EPM2A: variants seen among roughly 807,000 people sequenced by gnomAD.
EPM2A encodes the protein laforin.
Under a neutral mutation model 26.5 loss-of-function variants are expected in EPM2A, and 21 were observed. The observed-to-expected ratio is 0.79, with a 90% CI of 0.56 to 1.14. EPM2A has a LOEUF of 1.14. Among genes scored for constraint, EPM2A ranks in the 50% most tolerant of loss-of-function variants. EPM2A has a pLI of 0.00. For synonymous variants in EPM2A, 217 were observed against 177.6 expected (o/e 1.22, Z -1.76); for missense variants, 458 against 440.8 (o/e 1.04, Z -0.35).
intron 2 of EPM2A, among the ~76,000 whole-genome samples, chr6:145,587,845 A>G (rs1781218559): frequency 6.6e-6 from 1 of 152,208 alleles, no homozygotes; most frequent in Non-Finnish European, 1.5e-5. Context: ...CTTGAAAGGC[A>G]TGCCATTTTT....
chr6:145,501,092 TGGAGA>T (rs752920319), downstream of EPM2A, among the ~76,000 whole-genome samples: 19 of 152,098 alleles, frequency 1.2e-4, no homozygotes, highest in African/African-American at 4.6e-4. Flanking sequence ...CCAGACACTG[TGGAGA>T]GGAGAGGAGA....
intron 4 of EPM2A, among the ~76,000 whole-genome samples, chr6:145,493,932 G>T (rs1424220337): frequency 6.6e-6 from 1 of 152,152 alleles, no homozygotes; most frequent in Non-Finnish European, 1.5e-5. Flanking sequence ...CAAGAATATT[G>T]TCCTGAGGTT....
At chr6:145,597,873 C>T (rs191598159) in intron 2 of EPM2A, among the ~76,000 whole-genome samples, 1 of 152,316 alleles carries the variant, frequency 6.6e-6, no homozygotes, top group Non-Finnish European at 1.5e-5. Flanking sequence ...TTGCCTCCAA[C>T]TCCAGGCATG....
intron 2 of EPM2A, among the ~76,000 whole-genome samples, chr6:145,587,400 G>A (rs1781211534): frequency 6.6e-6 from 1 of 152,192 alleles, no homozygotes; most frequent in Non-Finnish European, 1.5e-5. Context: ...TGCAGGAAGA[G>A]GAAGAGTGAT....
At chr6:145,698,795 A>G (rs1228667887) in intron 1 of EPM2A, among the ~76,000 whole-genome samples, 1 of 152,156 alleles carries the variant, frequency 6.6e-6, no homozygotes. Flanking sequence ...AGGTAAAACA[A>G]GATCACAGAG....
At chr6:145,390,417 C>G (rs1321389241) in intron 4 of EPM2A, among the ~76,000 whole-genome samples, 4 of 151,920 alleles carry the variant, frequency 2.6e-5, no homozygotes, top group African/African-American at 9.7e-5. Flanking sequence ...GTAAGGTACC[C>G]TTCATGGCAT....
intron 2 of EPM2A, chr6:145,639,374 A>G (rs1776918468): frequency 6.6e-6 from 1 of 152,230 alleles, no homozygotes; most frequent in Non-Finnish European, 1.5e-5. Flanking sequence ...AGGTACTTTT[A>G]TAAAAACATC....
At chr6:145,434,837 G>A (rs1778968143) in intron 4 of EPM2A, among the ~76,000 whole-genome samples, 3 of 152,288 alleles carry the variant, frequency 2.0e-5, no homozygotes, top group South Asian at 4.1e-4. Context: ...TAAATCTCAT[G>A]TTGAAATGTA....
chr6:145,501,689 T>C, exon 4 of EPM2A: 1 of 428,256 alleles, frequency 2.3e-6, no homozygotes. Flanking sequence ...GTCCCACTAA[T>C]TAGTAACACA....
At chr6:145,491,226 G>C (rs1779750294) in intron 4 of EPM2A, 4 of 400,512 alleles carry the variant, frequency 1.0e-5, no homozygotes, top group Admixed American at 3.4e-5. Context: ...GTAGGAACTG[G>C]TGTGCAGGGG....
intron 2 of EPM2A, among the ~76,000 whole-genome samples, chr6:145,645,596 T>C (rs2128572730): frequency 6.6e-6 from 1 of 151,930 alleles, no homozygotes; most frequent in East Asian, 1.9e-4. Context: ...TAAGCCACCA[T>C]CCTGGCAAAC....
At chr6:145,496,476 A>T (rs1302059566) in intron 4 of EPM2A, among the ~76,000 whole-genome samples, 1 of 152,138 alleles carries the variant, frequency 6.6e-6, no homozygotes. Context: ...TCAGTTGTAG[A>T]TTAAGTCTCT....
chr6:145,441,388 A>T (rs1469209734), intron 4 of EPM2A, among the ~76,000 whole-genome samples: 1 of 152,196 alleles, frequency 6.6e-6, no homozygotes, highest in Non-Finnish European at 1.5e-5. Flanking sequence ...GACTGCTGAG[A>T]AGACCTCTAA....
At chr6:145,628,156 G>A (rs1157225575) in intron 3 of EPM2A, 2 of 196,722 alleles carry the variant, frequency 1.0e-5, no homozygotes, top group African/African-American at 4.7e-5. Context: ...GCCCATAATA[G>A]TTAAAGGAAT....
At chr6:145,396,303 C>T (rs1396469073) in intron 4 of EPM2A, among the ~76,000 whole-genome samples, 3 of 152,174 alleles carry the variant, frequency 2.0e-5, no homozygotes, top group Non-Finnish European at 4.4e-5. Flanking sequence ...CCCTCATTCC[C>T]TTTCCCATCT....
intron 2 of EPM2A, among the ~76,000 whole-genome samples, chr6:145,517,462 C>T (rs994464985): frequency 1.5e-4 from 23 of 152,114 alleles, no homozygotes; most frequent in Non-Finnish European, 2.5e-4. Flanking sequence ...TGGGGGCTTC[C>T]CAAAGAGCAT....
At chr6:145,384,086 T>C (rs1778225944) in exon 5 of EPM2A, 1 of 142,112 alleles carries the variant, frequency 7.0e-6, no homozygotes, top group Non-Finnish European at 1.6e-5. Context: ...CTTCCTCCTC[T>C]TAGTATCTGG....
chr6:145,573,468 A>G (rs1324494833), intron 2 of EPM2A, among the ~76,000 whole-genome samples: 1 of 152,222 alleles, frequency 6.6e-6, no homozygotes, highest in African/African-American at 2.4e-5. Context: ...TTAAGCATAC[A>G]ATAATCCACT....
At chr6:145,701,132 A>C (rs527358618) in intron 1 of EPM2A, among the ~76,000 whole-genome samples, 1 of 152,234 alleles carries the variant, frequency 6.6e-6, no homozygotes, top group Non-Finnish European at 1.5e-5. Context: ...TAATCCTGGC[A>C]ATTAGATTAT....
Sources: gnomAD v4.1 joint callset for allele counts (sites outside exome capture counted in the v4.1 genomes callset) on GRCh38, gnomAD v4.1.1 for gene constraint, MANE v1.5 for transcripts, NCBI Gene and HGNC (gene_info 2026-07-23, HGNC 2026-07-21) for gene names.